GCH1: variants seen among roughly 807,000 people sequenced by gnomAD.
The protein encoded by GCH1 is GTP cyclohydrolase 1, also known as GTP cyclohydrolase I.
In GCH1, 5 loss-of-function variants were observed where a neutral mutation model predicts 25.9. The observed-to-expected ratio is 0.19, with a 90% confidence interval of 0.10 to 0.41. The LOEUF is 0.41. GCH1 is among the 10% of genes least tolerant of loss of function. GCH1 has a pLI of 1.00. For synonymous variants in GCH1, 159 were observed against 129.6 expected, an observed-to-expected ratio of 1.23 and a Z score of -1.54; for missense variants, 261 against 336.5, an observed-to-expected ratio of 0.78 and a Z score of 1.75.
chr14:54,860,496 T>A (rs950265581), intron 2 of GCH1, among the ~76,000 whole-genome samples: 2 of 151,638 alleles, frequency 1.3e-5, no homozygotes, highest in African/African-American at 4.8e-5. Flanking sequence ...CTTTTGTGCT[T>A]GGCTTCCTGG....
rs1346104551 is a variant in GCH1, at chr14:54,851,275, G to T, written c.510-4145C>A. ...ACCTAAAACCATAAAAACCCTAGAA[G>T]AAAACCTAGACAATACCATTCAGGA... is the stretch of plus-strand genomic sequence containing the variant. On this transcript the variant is annotated intron_variant, in intron 3 of 5. Transcript: ENST00000491895. Among the ~76,000 whole-genome samples the T allele has an allele frequency of 2.0e-5, 3 of 152,282 alleles. No homozygotes were observed. The East Asian group carries it at 5.8e-4, about 29-fold the overall frequency.
At position 54,843,224 on chromosome 14, in the gene GCH1, G is replaced by T; in HGVS notation, c.*793C>A. ...TGAGCTGACTAGTTATTTGCAGTGT[G>T]AGTACTAAGTCTCATAAAATAATGG... On this transcript the variant is annotated 3_prime_UTR_variant, in exon 6 of 6. Coordinates refer to ENST00000491895, the MANE Select transcript of GCH1 (RefSeq NM_000161.3). 1 of 1,426,436 alleles carries T rather than the reference G, an allele frequency of 7.0e-7. No individual in the cohort carries two copies. The allele number at this position is 1,426,436 out of a possible 1,614,324, so 88.4% of individuals were successfully genotyped here. A position where few individuals can be genotyped will look rare whatever the true frequency, so the allele number is the denominator to read the frequency against.
chr14:54,890,275 A>T (rs1395488204), intron 1 of GCH1, among the ~76,000 whole-genome samples: 1 of 152,222 alleles, frequency 6.6e-6, no homozygotes, highest in Admixed American at 6.5e-5. Flanking sequence ...AGGTGGGCGG[A>T]TCACCTGAGG....
chr14:54,863,224 C>T (rs1459961742), intron 2 of GCH1, among the ~76,000 whole-genome samples: 1 of 151,692 alleles, frequency 6.6e-6, no homozygotes, highest in Non-Finnish European at 1.5e-5. Flanking sequence ...TCAAGACCAT[C>T]CTGGCTAACA....
At chr14:54,872,202 TAAAG>T (rs2040090576) in intron 1 of GCH1, among the ~76,000 whole-genome samples, 1 of 151,984 alleles carries the variant, frequency 6.6e-6, no homozygotes, top group Non-Finnish European at 1.5e-5. Context: ...TCAACATTCT[TAAAG>T]AAAAGAATTT....
At position 54,870,267 on chromosome 14, in the gene GCH1, G is replaced by A. The variant is rs139958951; in HGVS notation, c.344-4831C>T. Among the ~76,000 whole-genome samples, 111 of 147,310 alleles carry A rather than the reference G, an allele frequency of 7.5e-4. 2 individuals are homozygous for A. The highest frequency in any genetic ancestry group is 2.4e-3 in the African/African-American group (96 of 39,308). Reference sequence around the variant, plus strand: ...AATTCTAGCACTTTGGGAGGCGAAGGTGAGAACATTGCTAGAGGCCAAGAG... The same window carrying A: ...AATTCTAGCACTTTGGGAGGCGAAGATGAGAACATTGCTAGAGGCCAAGAG... On this transcript the variant is annotated intron_variant, in intron 1 of 5. Coordinates refer to ENST00000491895, the MANE Select transcript of GCH1 (RefSeq NM_000161.3).
At chr14:54,891,813 A>G (rs1330841248) in intron 1 of GCH1, among the ~76,000 whole-genome samples, 1 of 152,088 alleles carries the variant, frequency 6.6e-6, no homozygotes, top group Non-Finnish European at 1.5e-5. Flanking sequence ...GAGCATCCAC[A>G]TTGTCTATGC....
intron 1 of GCH1, among the ~76,000 whole-genome samples, chr14:54,896,476 T>TAA (rs60583038): frequency 0.017 from 2,529 of 146,804 alleles, 76 homozygotes; most frequent in African/African-American, 0.059. Flanking sequence ...TATATCTCTT[T>TAA]AAAAAAAAAA....
At chr14:54,865,722 C>A (rs1032406197) in intron 1 of GCH1, among the ~76,000 whole-genome samples, 1 of 152,198 alleles carries the variant, frequency 6.6e-6, no homozygotes, top group Admixed American at 6.5e-5. Flanking sequence ...AAAAATTATA[C>A]CAAAATAAAA....
chr14:54,870,545 C>A (rs530874503), intron 1 of GCH1, among the ~76,000 whole-genome samples: 1 of 152,100 alleles, frequency 6.6e-6, no homozygotes, highest in African/African-American at 2.4e-5. Context: ...CAAAGCAGGG[C>A]GAGGCGTCAC....
At chr14:54,894,474 G>A (rs1353599255) in intron 1 of GCH1, among the ~76,000 whole-genome samples, 2 of 151,928 alleles carry the variant, frequency 1.3e-5, no homozygotes, top group Non-Finnish European at 2.9e-5. Context: ...AGAACTGTGA[G>A]ACTGTTTATT....
chr14:54,902,190 C>A, intron 1 of GCH1, 131 bp downstream of exon 1: 1 of 997,886 alleles, frequency 1.0e-6, no homozygotes, highest in Admixed American at 2.0e-5. Context: ...AGGGCGGGTT[C>A]GGAGGTGACA....
intron 1 of GCH1, among the ~76,000 whole-genome samples, chr14:54,894,646 GAAACTATTA>G (rs2040462463): frequency 6.6e-6 from 1 of 152,096 alleles, no homozygotes; most frequent in Admixed American, 6.6e-5. Context: ...ATTTTTAAAA[GAAACTATTA>G]GGATTGGCTT....
intron 1 of GCH1, among the ~76,000 whole-genome samples, chr14:54,882,858 G>A (rs111608035): frequency 8.1e-4 from 124 of 152,324 alleles, no homozygotes; most frequent in African/African-American, 2.9e-3. Flanking sequence ...AGTGACAGAT[G>A]AAGAGATAAG....
At position 54,886,585 on chromosome 14, in the gene GCH1, C is replaced by T. The variant is rs140059004; in HGVS notation, c.343+15736G>A. 6.9e-3 allele frequency among the ~76,000 whole-genome samples: 1,055 copies of T among 152,302 alleles called. 5 individuals carry two copies. The highest frequency in any genetic ancestry group is 0.017 in the Middle Eastern group (5 of 294). ...CGAGATCGCGCCACTGCACTCTAGC[C>T]TGGGTGACAGAGTGAAACTGTCTCA... On this transcript the variant is annotated intron_variant, in intron 1 of 5. Coordinates refer to ENST00000491895, the MANE Select transcript of GCH1 (RefSeq NM_000161.3).
intron 1 of GCH1, among the ~76,000 whole-genome samples, chr14:54,872,070 G>A (rs1321589217): frequency 2.6e-5 from 4 of 152,118 alleles, no homozygotes; most frequent in South Asian, 4.1e-4. Flanking sequence ...TTGAAATGAA[G>A]GAAAAAATGT....
rs61762304 is a variant in GCH1 at position 54,844,007 on chromosome 14, T to C, written c.*10A>G. On this transcript the variant is annotated 3_prime_UTR_variant, in exon 6 of 6. Coordinates refer to ENST00000491895, the MANE Select transcript of GCH1 (RefSeq NM_000161.3). ...CGATCGGCAACCAACGCACACACAC[T>C]GAATGAAGCTCAGCTCCTAATGAGA... 5.0e-6 allele frequency: 8 copies of C among 1,614,040 alleles called. No homozygotes were observed. Among genetic ancestry groups the C allele is most frequent in the African/African-American group, 2.7e-5 (2 of 74,928 alleles).
At chr14:54,845,648 C>G in intron 5 of GCH1, 120 bp downstream of exon 5, 1 of 757,092 alleles carries the variant, frequency 1.3e-6, no homozygotes, top group Non-Finnish European at 2.4e-6. Context: ...GGATGGAAAT[C>G]TACAGTTATC....
At chr14:54,858,941 G>A (rs1281157554) in intron 3 of GCH1, among the ~76,000 whole-genome samples, 1 of 152,192 alleles carries the variant, frequency 6.6e-6, no homozygotes, top group Non-Finnish European at 1.5e-5. Context: ...AAGGCAGTAA[G>A]GGAATTTTTT....
Sources: gnomAD v4.1 joint callset for allele counts (sites outside exome capture counted in the v4.1 genomes callset) on GRCh38, gnomAD v4.1.1 for gene constraint, MANE v1.5 for transcripts, NCBI Gene and HGNC (gene_info 2026-07-23, HGNC 2026-07-21) for gene names.